FARS2: variants seen among roughly 807,000 people sequenced by gnomAD.
FARS2 encodes the protein phenylalanine--tRNA ligase, mitochondrial.
FARS2 carries 40 observed loss-of-function variants against 46.4 expected under a neutral mutation model. The ratio of observed to expected loss-of-function variants is 0.86; its 90% confidence interval spans 0.67 to 1.12. The LOEUF is 1.12. Among genes scored for constraint, FARS2 ranks in the 50% most tolerant of loss-of-function variants. FARS2 has a pLI of 0.00. For missense variants in FARS2, 513 were observed against 567.9 expected (o/e 0.90, Z 0.98); for synonymous variants, 234 against 214.9 (o/e 1.09, Z -0.78).
intron 4 of FARS2, among the ~76,000 whole-genome samples, chr6:5,506,936 C>A (rs1292042577): frequency 6.6e-6 from 1 of 152,210 alleles, no homozygotes; most frequent in African/African-American, 2.4e-5. Context: ...AGACTGCCCC[C>A]TTTCCTGGAT....
intron 5 of FARS2, among the ~76,000 whole-genome samples, chr6:5,580,054 G>A (rs1292621805): frequency 1.3e-5 from 2 of 151,964 alleles, no homozygotes; most frequent in Non-Finnish European, 2.9e-5. Context: ...CACTTTAGGA[G>A]GCCTAGGCAG....
chr6:5,363,147 C>T (rs536816346), intron 1 of FARS2, among the ~76,000 whole-genome samples: 2 of 151,922 alleles, frequency 1.3e-5, no homozygotes, highest in Non-Finnish European at 2.9e-5. Context: ...AGGATGGTCT[C>T]GTTCTCCTGC....
At chr6:5,535,159 T>C (rs1264994959) in intron 4 of FARS2, among the ~76,000 whole-genome samples, 1 of 152,264 alleles carries the variant, frequency 6.6e-6, no homozygotes, top group Non-Finnish European at 1.5e-5. Flanking sequence ...GCCATTTGTC[T>C]ATCTCCTAAA....
At chr6:5,376,689 G>A (rs976858629) in intron 2 of FARS2, among the ~76,000 whole-genome samples, 1 of 152,076 alleles carries the variant, frequency 6.6e-6, no homozygotes, top group Non-Finnish European at 1.5e-5. Context: ...AGTACACCGC[G>A]AGTGGTACTA....
chr6:5,559,393 G>T (rs1319481595), intron 5 of FARS2, among the ~76,000 whole-genome samples: 6 of 152,156 alleles, frequency 3.9e-5, no homozygotes, highest in African/African-American at 1.4e-4. Flanking sequence ...AACAGAGTGA[G>T]ACCCTATCTC....
At chr6:5,417,159 C>G (rs1235068146) in intron 3 of FARS2, among the ~76,000 whole-genome samples, 1 of 151,946 alleles carries the variant, frequency 6.6e-6, no homozygotes, top group Non-Finnish European at 1.5e-5. Flanking sequence ...TTTATTTTGC[C>G]TTTATTTTTG....
chr6:5,390,494 A>G (rs972644893), intron 2 of FARS2, among the ~76,000 whole-genome samples: 5 of 152,340 alleles, frequency 3.3e-5, no homozygotes, highest in East Asian at 1.9e-4. Flanking sequence ...ATTGTTTTCT[A>G]TGACACATCA....
intron 6 of FARS2, among the ~76,000 whole-genome samples, chr6:5,759,804 G>A (rs557267773): frequency 2.0e-5 from 3 of 152,282 alleles, no homozygotes; most frequent in Non-Finnish European, 4.4e-5. Flanking sequence ...GCATGGAATG[G>A]GCTGCCCCAC....
At chr6:5,611,646 A>G (rs564240160) in intron 5 of FARS2, among the ~76,000 whole-genome samples, 30 of 152,358 alleles carry the variant, frequency 2.0e-4, no homozygotes, top group Admixed American at 3.3e-4. Context: ...CTTGCAATAT[A>G]ATAAGCTGTC....
In FARS2 at chr6:5,636,241, A is replaced by G. The variant is rs114774382; in HGVS notation, c.1217+22921A>G. Among the ~76,000 whole-genome samples the G allele has an allele frequency of 7.2e-3, 1,093 of 152,334 alleles. 16 individuals are homozygous for G. The highest frequency in any genetic ancestry group is 0.025 in the African/African-American group (1,027 of 41,580). ...AAGACTAAAAGGAAAAATCGCTGTG[A>G]AGTTCCCTCTATGTGATAGCAGGGT... is the stretch of plus-strand genomic sequence containing the variant. On this transcript the variant is annotated intron_variant, in intron 6 of 6. Coordinates refer to ENST00000274680, the MANE Select transcript of FARS2 (RefSeq NM_006567.5).
At chr6:5,581,892 T>C (rs1366268615) in intron 5 of FARS2, among the ~76,000 whole-genome samples, 1 of 151,912 alleles carries the variant, frequency 6.6e-6, no homozygotes, top group Admixed American at 6.6e-5. Flanking sequence ...GTAACATACT[T>C]ACGGTTAATT....
At chr6:5,632,380 T>A (rs1776331647) in intron 6 of FARS2, among the ~76,000 whole-genome samples, 1 of 151,914 alleles carries the variant, frequency 6.6e-6, no homozygotes, top group African/African-American at 2.4e-5. Context: ...ATGGGAAGAG[T>A]GTTCTTTTTT....
intron 4 of FARS2, among the ~76,000 whole-genome samples, chr6:5,504,701 G>C (rs1156799604): frequency 6.6e-6 from 1 of 152,074 alleles, no homozygotes; most frequent in Non-Finnish European, 1.5e-5. Context: ...TTACAAAACT[G>C]CTCAAGGTAT....
chr6:5,713,846 G>A lies in FARS2; in HGVS notation c.1218-57445G>A, dbSNP rs114258240. On this transcript the variant is annotated intron_variant, in intron 6 of 6. Transcript: ENST00000274680. The stretch of plus-strand genomic sequence containing the variant: ...TCCCCAGCCAAGTGGCAGCCCCAGA[G>A]AACAGTGGAAAAGCATATTGCCGTC... Among the ~76,000 whole-genome samples the A allele has an allele frequency of 4.2e-3, 639 of 152,346 alleles. 7 individuals are homozygous for A. Among genetic ancestry groups the A allele is most frequent in the African/African-American group, 0.014 (602 of 41,572 alleles).
intron 1 of FARS2, among the ~76,000 whole-genome samples, chr6:5,333,696 G>C (rs1770955433): frequency 6.6e-6 from 1 of 152,160 alleles, no homozygotes; most frequent in African/African-American, 2.4e-5. Flanking sequence ...TTTAAAAACT[G>C]TACTCCGGCC....
At chr6:5,295,494 A>G (rs1252393062) in intron 1 of FARS2, among the ~76,000 whole-genome samples, 1 of 152,198 alleles carries the variant, frequency 6.6e-6, no homozygotes, top group Admixed American at 6.5e-5. Flanking sequence ...TGGAAATTTA[A>G]TAATAAAACG....
At chr6:5,336,832 C>T in intron 1 of FARS2, among the ~76,000 whole-genome samples, 1 of 152,052 alleles carries the variant, frequency 6.6e-6, no homozygotes. Flanking sequence ...CTTTTTCACC[C>T]TTGCAAGTTT....
At chr6:5,650,264 T>C (rs1385999713) in intron 6 of FARS2, among the ~76,000 whole-genome samples, 7 of 70,194 alleles carry the variant, frequency 1.0e-4, no homozygotes, top group Admixed American at 7.9e-4. Context: ...CATTTCTTTT[T>C]TTTTTTTTTT....
At chr6:5,332,312 G>C (rs975899057) in intron 1 of FARS2, among the ~76,000 whole-genome samples, 4 of 152,214 alleles carry the variant, frequency 2.6e-5, no homozygotes, top group African/African-American at 9.7e-5. Context: ...GAATGCTAAG[G>C]AGGTTCCAAA....
Sources: gnomAD v4.1 joint callset for allele counts (sites outside exome capture counted in the v4.1 genomes callset) on GRCh38, gnomAD v4.1.1 for gene constraint, MANE v1.5 for transcripts, NCBI Gene and HGNC (gene_info 2026-07-23, HGNC 2026-07-21) for gene names.